The following BTBD10 variants were observed in gnomAD, a reference collection of about 807,000 sequenced individuals.
BTBD10 encodes the protein BTB/POZ domain-containing protein 10.
In BTBD10, 21 loss-of-function variants were observed where a neutral mutation model predicts 53.2. The ratio of observed to expected loss-of-function variants is 0.39; its 90% CI spans 0.28 to 0.57. The LOEUF (loss-of-function observed/expected upper bound fraction) is 0.57. Among genes scored for constraint, BTBD10 ranks in the 20% least tolerant of loss-of-function variants. The pLI, the probability that BTBD10 is intolerant of heterozygous loss-of-function variation, is 0.53. For missense variants in BTBD10, 360 were observed against 594.7 expected (o/e 0.61, Z 4.10); for synonymous variants, 149 against 192.7 (o/e 0.77, Z 1.88).
chr11:13,429,165 A>G (rs1003650167), intron 2 of BTBD10, among the ~76,000 whole-genome samples: 1 of 152,180 alleles, frequency 6.6e-6, no homozygotes, highest in African/African-American at 2.4e-5. Context: ...ACTGAAATTA[A>G]GAAGACCTAA....
intron 2 of BTBD10, among the ~76,000 whole-genome samples, chr11:13,430,712 G>A (rs1479045558): frequency 6.6e-6 from 1 of 152,104 alleles, no homozygotes; most frequent in Non-Finnish European, 1.5e-5. Context: ...ATGATTTACT[G>A]ACACAAGTTA....
chr11:13,439,439 G>A (rs1191696953), intron 2 of BTBD10, among the ~76,000 whole-genome samples: 1 of 152,002 alleles, frequency 6.6e-6, no homozygotes, highest in African/African-American at 2.4e-5. Flanking sequence ...ATTCAGTTCT[G>A]TAAAGTACTA....
intron 8 of BTBD10, among the ~76,000 whole-genome samples, chr11:13,391,365 T>C (rs528216955): frequency 6.6e-6 from 1 of 152,312 alleles, no homozygotes; most frequent in East Asian, 1.9e-4. Context: ...ACATTAAGAC[T>C]CTCCACACAG....
rs1011211528 is a variant in BTBD10 at position 13,403,107 on chromosome 11, A to T, written c.1117+61T>A. 4 of 1,041,458 alleles carry T rather than the reference A, an allele frequency of 3.8e-6. No individual in the cohort carries two copies. The African/African-American group carries it at 6.8e-5, about 18-fold the overall frequency. The allele number at this position is 1,041,458 out of a possible 1,614,324, so 64.5% of individuals were successfully genotyped here. A position where few individuals can be genotyped will look rare whatever the true frequency, so the allele number is the denominator to read the frequency against. ...CCAACTGTATTCTAAATAAGATCCA[A>T]TTGTTTTTAACCTTTTTGTTTTAAA... is the stretch of plus-strand genomic sequence containing the variant. On this transcript the variant is annotated intron_variant, in intron 8 of 8. Transcript: ENST00000278174.
intron 6 of BTBD10, among the ~76,000 whole-genome samples, chr11:13,409,441 G>A (rs1177652724): frequency 6.6e-6 from 1 of 152,120 alleles, no homozygotes; most frequent in Non-Finnish European, 1.5e-5. Context: ...TTAGAACAGT[G>A]CTTAGTACAG....
intron 2 of BTBD10, among the ~76,000 whole-genome samples, chr11:13,422,847 T>C (rs2133974677): frequency 6.6e-6 from 1 of 152,324 alleles, no homozygotes; most frequent in African/African-American, 2.4e-5. Flanking sequence ...AAGTTACACA[T>C]ACTACATGCA....
At chr11:13,455,521 A>C (rs1403968134) in intron 1 of BTBD10, among the ~76,000 whole-genome samples, 1 of 152,230 alleles carries the variant, frequency 6.6e-6, no homozygotes, top group Non-Finnish European at 1.5e-5. Flanking sequence ...ATTGTTAAGT[A>C]ACTAGACACT....
intron 2 of BTBD10, among the ~76,000 whole-genome samples, chr11:13,431,142 T>TA (rs1950441487): frequency 6.6e-6 from 1 of 152,168 alleles, no homozygotes; most frequent in African/African-American, 2.4e-5. Context: ...TTTCTTCTTC[T>TA]AATAGTCCTT....
intron 2 of BTBD10, among the ~76,000 whole-genome samples, chr11:13,435,459 A>G (rs1431764415): frequency 6.6e-6 from 1 of 152,212 alleles, no homozygotes; most frequent in African/African-American, 2.4e-5. Context: ...AGTTTTTAAA[A>G]TATTTATCAA....
intron 8 of BTBD10, 67 bp downstream of exon 8, chr11:13,403,101 G>T (rs1158428530): frequency 4.1e-6 from 4 of 968,608 alleles, no homozygotes; most frequent in Non-Finnish European, 6.2e-6. Context: ...TTCTAAATAA[G>T]ATCCAATTGT....
chr11:13,460,837 A>G (rs2134071126), intron 1 of BTBD10, among the ~76,000 whole-genome samples: 1 of 152,346 alleles, frequency 6.6e-6, no homozygotes, highest in South Asian at 2.1e-4. Context: ...AATGGACTGT[A>G]GAGGGTCTCT....
chr11:13,388,759 T>C lies in BTBD10; in HGVS notation c.*72A>G. On this transcript the variant is annotated 3_prime_UTR_variant, in exon 9 of 9. Transcript: ENST00000278174. ...ATCTCACAATGAAGAAGAGTGGCCTTGCAGTGCAGAATGAGGAGAGTACAA... is the reference window on the plus strand; with the variant it reads ...ATCTCACAATGAAGAAGAGTGGCCTCGCAGTGCAGAATGAGGAGAGTACAA... 1.4e-6 allele frequency: 2 copies of C among 1,452,388 alleles called. No individual in the cohort carries two copies. Among genetic ancestry groups the C allele is most frequent in the Non-Finnish European group, 1.9e-6 (2 of 1,064,216 alleles). 90.0% of individuals were successfully genotyped at this position (1,452,388 alleles called of 1,614,324 possible).
chr11:13,391,837 G>A (rs1201466578), intron 8 of BTBD10, among the ~76,000 whole-genome samples: 2 of 152,178 alleles, frequency 1.3e-5, no homozygotes, highest in Non-Finnish European at 2.9e-5. Flanking sequence ...CCAGCTACTC[G>A]GGAGGCTGAG....
intron 8 of BTBD10, among the ~76,000 whole-genome samples, chr11:13,398,524 A>C (rs1225493934): frequency 6.6e-6 from 1 of 152,224 alleles, no homozygotes; most frequent in African/African-American, 2.4e-5. Flanking sequence ...TTTTAATTAG[A>C]GCATTTAGCC....
At chr11:13,441,925 A>G (rs1950659623) in intron 2 of BTBD10, among the ~76,000 whole-genome samples, 4 of 152,188 alleles carry the variant, frequency 2.6e-5, no homozygotes, top group Non-Finnish European at 5.9e-5. Context: ...TTATAAGCAG[A>G]TATCTGCTGG....
chr11:13,460,578 A>G (rs1372296695), intron 1 of BTBD10, among the ~76,000 whole-genome samples: 1 of 152,210 alleles, frequency 6.6e-6, no homozygotes, highest in Non-Finnish European at 1.5e-5. Flanking sequence ...ATCAATTAAT[A>G]TACCTATCCT....
At chr11:13,452,523 G>C (rs1950882069) in intron 1 of BTBD10, among the ~76,000 whole-genome samples, 2 of 152,024 alleles carry the variant, frequency 1.3e-5, no homozygotes, top group Admixed American at 1.3e-4. Flanking sequence ...TATCAGCAAG[G>C]CATAATGAAA....
At chr11:13,460,366 AC>A (rs912508459) in intron 1 of BTBD10, among the ~76,000 whole-genome samples, 1 of 151,870 alleles carries the variant, frequency 6.6e-6, no homozygotes, top group Non-Finnish European at 1.5e-5. Context: ...CCAAGTGAAG[AC>A]CCCCAACTTG....
At chr11:13,457,219 C>A (rs1950989440) in intron 1 of BTBD10, among the ~76,000 whole-genome samples, 2 of 151,344 alleles carry the variant, frequency 1.3e-5, no homozygotes. Context: ...ATTATATAAC[C>A]CTGGTAGAAA....
Sources: gnomAD v4.1 joint callset for allele counts (sites outside exome capture counted in the v4.1 genomes callset) on GRCh38, gnomAD v4.1.1 for gene constraint, MANE v1.5 for transcripts, NCBI Gene and HGNC (gene_info 2026-07-23, HGNC 2026-07-21) for gene names.